PARP6: variants seen among roughly 807,000 people sequenced by gnomAD.
PARP6 encodes the protein poly(ADP-ribose) polymerase family member 6.
In PARP6, 27 loss-of-function variants were observed where a neutral mutation model predicts 92.0. The ratio of observed to expected loss-of-function variants is 0.29; its 90% CI spans 0.22 to 0.40. PARP6 has a LOEUF of 0.40. Among genes scored for constraint, PARP6 ranks in the 10% least tolerant of loss-of-function variants. The pLI, the probability that PARP6 is intolerant of heterozygous loss-of-function variation, is 1.00. For synonymous variants in PARP6, 272 were observed against 281.2 expected, an observed-to-expected ratio of 0.97 and a Z score of 0.33; for missense variants, 501 against 784.5, an observed-to-expected ratio of 0.64 and a Z score of 4.32.
Position 72,242,003 on chromosome 15 carries a change from A to G in PARP6, c.1706-18T>C. On this transcript the variant is annotated intron_variant, in intron 22 of 23. Coordinates refer to ENST00000569795, the MANE Select transcript of PARP6 (RefSeq NM_001323532.2). The surrounding 1 kb of genome is among the most constrained non-coding windows in gnomAD (Gnocchi z 4.3). ...TGTAATCACTGGGAGAAAGAGGGCC[A>G]GAAATCATAGATACAATGCTTAAGG... The G allele has an allele frequency of 6.3e-7, 1 of 1,577,252 alleles. No homozygotes were observed. The highest frequency in any genetic ancestry group is 8.7e-7 in the Non-Finnish European group (1 of 1,146,360).
intron 2 of PARP6, among the ~76,000 whole-genome samples, chr15:72,269,498 G>C (rs1259681355): frequency 6.6e-6 from 1 of 152,144 alleles, no homozygotes; most frequent in Non-Finnish European, 1.5e-5. Flanking sequence ...CAGGTTTCCA[G>C]ATTAGTGATT....
At chr15:72,259,684 C>A (rs1354408439) in intron 10 of PARP6, 23 bp from the exon 11 acceptor site, 2 of 1,610,700 alleles carry the variant, frequency 1.2e-6, no homozygotes, top group Admixed American at 1.7e-5. Flanking sequence ...AAAAGACAGA[C>A]CCCGTGAACC....
intron 11 of PARP6, among the ~76,000 whole-genome samples, chr15:72,259,134 C>T (rs2085515676): frequency 6.6e-6 from 1 of 152,142 alleles, no homozygotes. Context: ...CCATCTGACT[C>T]TTGATAGCAA....
At position 72,260,709 on chromosome 15, in the gene PARP6, G is replaced by A. The variant is rs150313595; in HGVS notation, c.546-21C>T. 595 of 1,580,560 alleles carry A rather than the reference G, an allele frequency of 3.8e-4. 5 individuals carry two copies. In the African/African-American group the frequency reaches 7.4e-3, roughly 20 times the overall value. On this transcript the variant is annotated intron_variant, in intron 9 of 23. Coordinates refer to ENST00000569795, the MANE Select transcript of PARP6 (RefSeq NM_001323532.2). The stretch of plus-strand genomic sequence containing the variant: ...GAGACCTGCAGAGAGAGAGCAAAGA[G>A]AAGTGATAAAACTGGGGATTTCATA...
At chr15:72,268,379 T>A (rs2086888757) in intron 2 of PARP6, among the ~76,000 whole-genome samples, 1 of 152,242 alleles carries the variant, frequency 6.6e-6, no homozygotes, top group Non-Finnish European at 1.5e-5. Flanking sequence ...TTATTCTTAG[T>A]TATTTCTCCA....
At position 72,265,881 on chromosome 15, in the gene PARP6, T is replaced by G. The variant is rs752153601; in HGVS notation, c.176+16A>C. ...AAGTGACTTGCTCCCCTGCCACCCC[T>G]GAAGTAGAGTCCCACCTGATGGATA... On this transcript the variant is annotated intron_variant, in intron 5 of 23. Coordinates refer to ENST00000569795, the MANE Select transcript of PARP6 (RefSeq NM_001323532.2). 2.5e-6 allele frequency: 4 copies of G among 1,572,962 alleles called. No individual in the cohort carries two copies. The South Asian group carries it at 4.4e-5, about 17-fold the overall frequency.
At position 72,242,888 on chromosome 15, in the gene PARP6, G is replaced by A. The variant is rs2083214846; in HGVS notation, c.1562-189C>T. On this transcript the variant is annotated intron_variant, in intron 20 of 23. Coordinates refer to ENST00000569795, the MANE Select transcript of PARP6 (RefSeq NM_001323532.2). The surrounding 1 kb of genome is among the most constrained non-coding windows in gnomAD (Gnocchi z 4.3). ...GTAATTAACAACACAGCATGGTAAG[G>A]GGTTGTGATGCAGATTATAGAGCAT... The A allele has an allele frequency of 1.7e-6, 1 of 573,108 alleles. No homozygotes were observed. Among genetic ancestry groups the A allele is most frequent in the Non-Finnish European group, 3.1e-6 (1 of 323,882 alleles). 35.5% of individuals were successfully genotyped at this position (573,108 alleles called of 1,614,324 possible).
intron 3 of PARP6, chr15:72,267,245 T>G (rs1189073609): frequency 1.7e-6 from 1 of 591,728 alleles, no homozygotes; most frequent in Non-Finnish European, 3.0e-6. Context: ...CTCATTATTT[T>G]CTTTCTATCC....
intron 20 of PARP6, among the ~76,000 whole-genome samples, chr15:72,246,243 A>G (rs984831199): frequency 2.0e-5 from 3 of 152,154 alleles, no homozygotes. Flanking sequence ...TCCGCCTCCC[A>G]GGTTCAAGTG....
chr15:72,270,610 C>T (rs1487933574), intron 2 of PARP6, among the ~76,000 whole-genome samples: 1 of 152,160 alleles, frequency 6.6e-6, no homozygotes. Context: ...AGCCTTTGTC[C>T]CTGCTGTTCC....
rs192774872 is a variant in PARP6 at position 72,261,748 on chromosome 15, G to T, written c.396-41C>A. 88 of 1,602,158 alleles carry T rather than the reference G, an allele frequency of 5.5e-5. No individual in the cohort carries two copies. The East Asian group carries it at 1.9e-3, about 34-fold the overall frequency. On this transcript the variant is annotated intron_variant, in intron 8 of 23. Transcript: ENST00000569795. ...GAATGAGCTTAGGCAAGATGAGGCA[G>T]GGTCAAGAAATAAGGACTAAAGAGA...
Position 72,254,972 on chromosome 15 carries a change from T to A in PARP6, c.1126-452A>T, listed in dbSNP as rs150262559. Among the ~76,000 whole-genome samples, 397 of 152,272 alleles carry A rather than the reference T, an allele frequency of 2.6e-3. 2 individuals are homozygous for A. Among genetic ancestry groups the A allele is most frequent in the Non-Finnish European group, 4.4e-3 (302 of 68,022 alleles). ...TTTGTGAGGGTGTTTCTGGTTGAGA[T>A]TAACATTTGAATCAGCAGACTGAGT... On this transcript the variant is annotated intron_variant, in intron 14 of 23. Coordinates refer to ENST00000569795, the MANE Select transcript of PARP6 (RefSeq NM_001323532.2).
chr15:72,268,986 C>G (rs1357617708), intron 2 of PARP6, among the ~76,000 whole-genome samples: 1 of 152,140 alleles, frequency 6.6e-6, no homozygotes, highest in Non-Finnish European at 1.5e-5. Flanking sequence ...AAAAACTCAT[C>G]TGTGAAATTA....
chr15:72,249,706 T>G (rs1415517791), intron 19 of PARP6, among the ~76,000 whole-genome samples: 1 of 152,230 alleles, frequency 6.6e-6, no homozygotes, highest in African/African-American at 2.4e-5. Context: ...ATCTACTCCT[T>G]GAATGAATAG....
At chr15:72,246,449 CATT>C (rs112589010) in intron 20 of PARP6, among the ~76,000 whole-genome samples, 8,857 of 152,042 alleles carry the variant, frequency 0.058, 445 homozygotes, top group East Asian at 0.16. Flanking sequence ...TGCCCAGCCT[CATT>C]ATTATTTTTT....
intron 20 of PARP6, among the ~76,000 whole-genome samples, chr15:72,246,094 G>A (rs1005781144): frequency 6.6e-6 from 1 of 152,240 alleles, no homozygotes; most frequent in Non-Finnish European, 1.5e-5. Context: ...ATAAATATGT[G>A]TTGGTCACTT....
intron 8 of PARP6, 34 bp from the exon 9 acceptor site, chr15:72,261,741 T>C: frequency 6.2e-7 from 1 of 1,607,946 alleles, no homozygotes; most frequent in Non-Finnish European, 8.5e-7. Context: ...TTAGGCAAGA[T>C]GAGGCAGGGT....
At chr15:72,258,305 G>A (rs972287118) in intron 11 of PARP6, among the ~76,000 whole-genome samples, 173 bp from the exon 12 acceptor site, 1 of 152,232 alleles carries the variant, frequency 6.6e-6, no homozygotes, top group African/African-American at 2.4e-5. Context: ...AGCTAAGACT[G>A]TATGGTATAG....
chr15:72,267,643 T>C lies in PARP6; in HGVS notation c.-166A>G, dbSNP rs2086773258. The stretch of plus-strand genomic sequence containing the variant: ...GTGATCTGTTGGGGATGGCAGGCTC[T>C]GCTGTTGCGGTGGTAACAAGTCACT... On this transcript the variant is annotated 5_prime_UTR_variant, in exon 3 of 24. Transcript: ENST00000569795. 3.2e-5 allele frequency: 22 copies of C among 691,084 alleles called. No homozygotes were observed. In the South Asian group the frequency reaches 3.5e-4, roughly 11 times the overall value. 42.8% of individuals were successfully genotyped at this position (691,084 alleles called of 1,614,324 possible).
Sources: allele counts gnomAD v4.1 joint callset (sites outside exome capture counted in the v4.1 genomes callset), GRCh38; gene constraint gnomAD v4.1.1; non-coding constraint Gnocchi (gnomAD v3.1); transcripts MANE v1.5; gene names NCBI Gene and HGNC (gene_info 2026-07-23, HGNC 2026-07-21).